KLHL1: variants seen among roughly 807,000 people sequenced by gnomAD.
KLHL1 encodes the protein kelch like family member 1.
KLHL1 carries 47 observed loss-of-function variants against 77.7 expected under a neutral mutation model. The observed-to-expected ratio is 0.60, with a 90% CI of 0.48 to 0.77. The LOEUF (loss-of-function observed/expected upper bound fraction) is 0.77, where lower values mean the gene tolerates loss of function less well. Among genes scored for constraint, KLHL1 ranks in the 30% least tolerant of loss-of-function variants. The pLI is 0.00. For synonymous variants in KLHL1, 360 were observed against 325.2 expected (o/e 1.11, Z -1.15); for missense variants, 925 against 910.8 (o/e 1.02, Z -0.20).
intron 1 of KLHL1, among the ~76,000 whole-genome samples, chr13:70,068,426 A>G (rs1485111727): frequency 1.3e-5 from 2 of 152,246 alleles, no homozygotes; most frequent in Admixed American, 6.5e-5. Flanking sequence ...ATGAATTATG[A>G]TTTTATTAGG....
chr13:69,933,871 A>G (rs1883085627), intron 4 of KLHL1, among the ~76,000 whole-genome samples: 1 of 151,920 alleles, frequency 6.6e-6, no homozygotes, highest in Admixed American at 6.6e-5. Flanking sequence ...CATAATATCC[A>G]TTTGTCTGAA....
At chr13:69,821,912 T>A (rs893846467) in intron 6 of KLHL1, among the ~76,000 whole-genome samples, 2 of 151,934 alleles carry the variant, frequency 1.3e-5, no homozygotes, top group African/African-American at 4.8e-5. Context: ...CTAAAAACAG[T>A]GACTAGGCCA....
At chr13:69,761,529 C>A (rs1566222826) in intron 7 of KLHL1, among the ~76,000 whole-genome samples, 1 of 152,100 alleles carries the variant, frequency 6.6e-6, no homozygotes, top group Non-Finnish European at 1.5e-5. Flanking sequence ...CTTCATTTAA[C>A]AGTATATATA....
rs533958635 is a variant in KLHL1 at position 70,031,921 on chromosome 13, G to A, written c.498-56119C>T. Among the ~76,000 whole-genome samples, 331 of 152,222 alleles carry A rather than the reference G, an allele frequency of 2.2e-3. 1 individual carries two copies. Among genetic ancestry groups the A allele is most frequent in the African/African-American group, 7.6e-3 (316 of 41,542 alleles). Reference sequence around the variant, plus strand: ...AGCAAGTGAACTATTATGAGTCAAAGTACCTAGAGTTTCCAGGGAGAGAAA... The same window carrying A: ...AGCAAGTGAACTATTATGAGTCAAAATACCTAGAGTTTCCAGGGAGAGAAA... On this transcript the variant is annotated intron_variant, in intron 1 of 10. Coordinates refer to ENST00000377844, the MANE Select transcript of KLHL1 (RefSeq NM_020866.3).
intron 4 of KLHL1, among the ~76,000 whole-genome samples, chr13:69,929,946 A>C (rs1439733811): frequency 6.6e-6 from 1 of 151,910 alleles, no homozygotes; most frequent in East Asian, 1.9e-4. Flanking sequence ...TATTGAATGA[A>C]GAATTGATGG....
intron 5 of KLHL1, among the ~76,000 whole-genome samples, chr13:69,850,703 A>G (rs541201316): frequency 6.6e-6 from 1 of 151,798 alleles, no homozygotes; most frequent in South Asian, 2.1e-4. Context: ...CCTAAAACAT[A>G]CACATTGATC....
intron 8 of KLHL1, among the ~76,000 whole-genome samples, chr13:69,736,548 C>A (rs1873769732): frequency 6.6e-6 from 1 of 151,984 alleles, no homozygotes; most frequent in Non-Finnish European, 1.5e-5. Context: ...GGGCCTCTAC[C>A]CAGAGGAAAG....
chr13:69,931,438 T>C (rs1883001816), intron 4 of KLHL1, among the ~76,000 whole-genome samples: 1 of 151,808 alleles, frequency 6.6e-6, no homozygotes, highest in African/African-American at 2.4e-5. Context: ...AAAACATGAC[T>C]GCTTATTGGA....
At chr13:69,725,786 C>T (rs1188757203) in intron 8 of KLHL1, among the ~76,000 whole-genome samples, 1 of 152,190 alleles carries the variant, frequency 6.6e-6, no homozygotes, top group East Asian at 1.9e-4. Context: ...TAACAAATAC[C>T]TCCCACAGAA....
intron 4 of KLHL1, among the ~76,000 whole-genome samples, chr13:69,917,683 CAT>C (rs1213234233): frequency 1.3e-5 from 2 of 152,132 alleles, no homozygotes; most frequent in East Asian, 3.8e-4. Context: ...TATAAACAAA[CAT>C]AAACCACTTT....
At chr13:69,955,735 C>A (rs1047036464) in intron 3 of KLHL1, among the ~76,000 whole-genome samples, 6 of 150,178 alleles carry the variant, frequency 4.0e-5, no homozygotes, top group Non-Finnish European at 8.9e-5. Context: ...TATAGTTTTT[C>A]TTTTCCTTTC....
chr13:69,945,134 C>A lies in KLHL1; in HGVS notation c.818-4898G>T, dbSNP rs1456496444. ...CCAGGTAGCTGGGATTACAGTCACC[C>A]GCCACCACGCCCAGCTAATTTTTTG... On this transcript the variant is annotated intron_variant, in intron 3 of 10. Transcript: ENST00000377844. Among the ~76,000 whole-genome samples, 3 of 151,142 alleles carry A rather than the reference C, an allele frequency of 2.0e-5. No homozygotes were observed. The East Asian group carries it at 5.8e-4, about 29-fold the overall frequency.
chr13:69,947,276 C>G (rs765621446), intron 3 of KLHL1, among the ~76,000 whole-genome samples: 9 of 151,960 alleles, frequency 5.9e-5, no homozygotes, highest in Non-Finnish European at 1.3e-4. Flanking sequence ...CCAGAGGATT[C>G]CACATAGTTT....
intron 5 of KLHL1, among the ~76,000 whole-genome samples, chr13:69,840,848 T>G (rs2138113726): frequency 6.6e-6 from 1 of 151,788 alleles, no homozygotes. Context: ...GTTCATAAAC[T>G]TTATAATTAT....
At chr13:69,942,607 A>G (rs1883401303) in intron 3 of KLHL1, among the ~76,000 whole-genome samples, 1 of 152,030 alleles carries the variant, frequency 6.6e-6, no homozygotes, top group African/African-American at 2.4e-5. Flanking sequence ...AACCTATAAT[A>G]ATTTGCAAAA....
chr13:70,090,285 T>C (rs1465019183), intron 1 of KLHL1, among the ~76,000 whole-genome samples: 2 of 152,050 alleles, frequency 1.3e-5, no homozygotes, highest in African/African-American at 2.4e-5. Context: ...TGAGTGTTTC[T>C]GAGGCTCCAA....
chr13:69,768,705 TTAA>T (rs1210993497), intron 7 of KLHL1, among the ~76,000 whole-genome samples: 3 of 152,166 alleles, frequency 2.0e-5, no homozygotes, highest in African/African-American at 7.2e-5. Context: ...CTAGTAATTA[TTAA>T]TAACTTCATT....
intron 9 of KLHL1, among the ~76,000 whole-genome samples, 187 bp downstream of exon 9, chr13:69,719,182 A>AGG (rs1400277561): frequency 6.7e-5 from 2 of 29,744 alleles, no homozygotes; most frequent in African/African-American, 1.4e-4. Context: ...AAAAGAAAGT[A>AGG]CGTGTGTGTG....
chr13:69,813,481 T>TACAC (rs141973704), intron 6 of KLHL1, among the ~76,000 whole-genome samples: 2,129 of 146,286 alleles, frequency 0.015, 45 homozygotes, highest in African/African-American at 0.048. Flanking sequence ...TACACACACA[T>TACAC]ACACACACAC....
Sources: allele counts gnomAD v4.1 joint callset (sites outside exome capture counted in the v4.1 genomes callset), GRCh38; gene constraint gnomAD v4.1.1; transcripts MANE v1.5; gene names NCBI Gene and HGNC (gene_info 2026-07-23, HGNC 2026-07-21).